Variants in ZNF578 observed in about 807,000 individuals in gnomAD.
ZNF578 encodes the protein zinc finger protein 578.
Under a neutral mutation model 8.3 loss-of-function variants are expected in ZNF578, and 8 were observed. The observed-to-expected ratio is 0.96, with a 90% CI of 0.56 to 1.74. The LOEUF (loss-of-function observed/expected upper bound fraction) is 1.74. Among genes scored for constraint, ZNF578 ranks in the 40% most tolerant of loss-of-function variants. The probability of loss-of-function intolerance (pLI) is 0.00; values close to 1 mark genes in which losing one functional copy is unlikely to be tolerated. For synonymous variants in ZNF578, 206 were observed against 232.2 expected, an observed-to-expected ratio of 0.89 and a Z score of 1.03; for missense variants, 726 against 707.5, an observed-to-expected ratio of 1.03 and a Z score of -0.30.
chr19:52,475,187 G>T (rs1306701223), intron 2 of ZNF578: 1 of 228,096 alleles, frequency 4.4e-6, no homozygotes, highest in East Asian at 1.1e-4. Flanking sequence ...ACCAAGGCTT[G>T]AAGACACTCT....
chr19:52,500,722 AG>A (rs1187143355), intron 3 of ZNF578, among the ~76,000 whole-genome samples: 2 of 151,904 alleles, frequency 1.3e-5, no homozygotes, highest in Non-Finnish European at 2.9e-5. Context: ...GGAGGTACTC[AG>A]ATAGGCATGT....
At chr19:52,492,761 A>C (rs544350902) in intron 3 of ZNF578, 1 of 152,150 alleles carries the variant, frequency 6.6e-6, no homozygotes, top group Non-Finnish European at 1.5e-5. Flanking sequence ...TACCCCGCCC[A>C]GGACCCGCCA....
intron 2 of ZNF578, among the ~76,000 whole-genome samples, chr19:52,490,627 A>C (rs1051591838): frequency 2.0e-5 from 3 of 152,098 alleles, no homozygotes; most frequent in African/African-American, 7.2e-5. Flanking sequence ...ATTCAGAAAA[A>C]AATTGTATTA....
intron 2 of ZNF578, among the ~76,000 whole-genome samples, chr19:52,459,353 G>T (rs1358967196): frequency 2.0e-5 from 3 of 151,998 alleles, no homozygotes; most frequent in African/African-American, 7.2e-5. Flanking sequence ...CATAGTATTT[G>T]TCCTTTTGTG....
chr19:52,514,919 C>A lies in ZNF578; in HGVS notation c.*2765C>A, dbSNP rs554795097. On this transcript the variant is annotated 3_prime_UTR_variant, in exon 6 of 6. Coordinates refer to ENST00000421239, the MANE Select transcript of ZNF578 (RefSeq NM_001099694.2). Reference sequence around the variant, plus strand: ...CTCGCGATCCACCCGACTCAGCCTCCCACTGTGATGGGATTACAGGCATGA... The same window carrying A: ...CTCGCGATCCACCCGACTCAGCCTCACACTGTGATGGGATTACAGGCATGA... 3.3e-5 allele frequency among the ~76,000 whole-genome samples: 5 copies of A among 151,526 alleles called. No homozygotes were observed. The South Asian group carries it at 1.0e-3, about 32-fold the overall frequency.
chr19:52,496,325 GTTAT>G (rs143811534), intron 3 of ZNF578, among the ~76,000 whole-genome samples: 9 of 146,096 alleles, frequency 6.2e-5, no homozygotes, highest in South Asian at 4.4e-4. Context: ...CTCATTTGTT[GTTAT>G]TTATTTATTT....
intron 2 of ZNF578, among the ~76,000 whole-genome samples, chr19:52,465,237 C>G (rs1183352668): frequency 6.6e-6 from 1 of 152,092 alleles, no homozygotes; most frequent in African/African-American, 2.4e-5. Flanking sequence ...ATAATTGGCA[C>G]GGAGAGCCGA....
At chr19:52,470,368 G>A (rs2059288258) in intron 2 of ZNF578, among the ~76,000 whole-genome samples, 1 of 152,152 alleles carries the variant, frequency 6.6e-6, no homozygotes, top group Non-Finnish European at 1.5e-5. Flanking sequence ...AACTGCTGAG[G>A]CATAATTATG....
chr19:52,470,825 A>C (rs2059289627), intron 2 of ZNF578, among the ~76,000 whole-genome samples: 1 of 152,220 alleles, frequency 6.6e-6, no homozygotes, highest in Non-Finnish European at 1.5e-5. Flanking sequence ...CCATAGACTG[A>C]AAGCCTAATA....
chr19:52,472,066 T>C lies in ZNF578; in HGVS notation c.-122+15108T>C, dbSNP rs570389676. ...GAAAGTGCATGCCATGGGTCTTATT[T>C]GGCATACACACAAAAAGGCACATAG... On this transcript the variant is annotated intron_variant, in intron 2 of 5. Coordinates refer to ENST00000421239, the MANE Select transcript of ZNF578 (RefSeq NM_001099694.2). Among the ~76,000 whole-genome samples the C allele has an allele frequency of 4.6e-5, 7 of 152,302 alleles. No individual in the cohort carries two copies. In the East Asian group the frequency reaches 1.4e-3, roughly 29 times the overall value.
chr19:52,512,160 A>G lies in ZNF578; in HGVS notation c.*6A>G, dbSNP rs367619658. ...AGCCTTGCATGTCATCATAGACTTC[A>G]TACTGGAGAGAAACCTTACAAATGT... is the stretch of plus-strand genomic sequence containing the variant. On this transcript the variant is annotated 3_prime_UTR_variant, in exon 6 of 6. Transcript: ENST00000421239. The G allele has an allele frequency of 3.7e-6, 6 of 1,613,730 alleles. No homozygotes were observed. The African/African-American group carries it at 8.0e-5, about 22-fold the overall frequency.
chr19:52,493,818 C>A (rs1418070187), intron 3 of ZNF578, among the ~76,000 whole-genome samples: 1 of 151,312 alleles, frequency 6.6e-6, no homozygotes, highest in Non-Finnish European at 1.5e-5. Context: ...TGGAGAAACC[C>A]CGTCCCTACT....
intron 2 of ZNF578, among the ~76,000 whole-genome samples, chr19:52,463,438 A>G (rs2059264864): frequency 6.6e-6 from 1 of 152,180 alleles, no homozygotes; most frequent in Non-Finnish European, 1.5e-5. Context: ...TGATGTGGTA[A>G]TTGCCTGGCA....
At chr19:52,465,813 G>A (rs375739914) in intron 2 of ZNF578, among the ~76,000 whole-genome samples, 15 of 152,230 alleles carry the variant, frequency 9.9e-5, no homozygotes, top group African/African-American at 3.4e-4. Flanking sequence ...CTTACCTGCA[G>A]AGCTTAAAAA....
chr19:52,508,099 C>T lies in ZNF578; in HGVS notation c.191-2473C>T, dbSNP rs571056324. 2.6e-5 allele frequency among the ~76,000 whole-genome samples: 4 copies of T among 152,122 alleles called. No homozygotes were observed. The South Asian group carries it at 6.2e-4, about 24-fold the overall frequency. ...CGGTGGCTCATGCCTGTAATCCCAG[C>T]ACTTTGGGAGGCCGCGCAGTGCAGA... On this transcript the variant is annotated intron_variant, in intron 5 of 5. Transcript: ENST00000421239.
chr19:52,499,689 G>GTTTTT (rs66824085), intron 3 of ZNF578, among the ~76,000 whole-genome samples: 3 of 141,598 alleles, frequency 2.1e-5, no homozygotes, highest in African/African-American at 5.3e-5. Context: ...CTTCCAAATC[G>GTTTTT]TTTTTTTTTT....
chr19:52,515,944 C>T lies in ZNF578; in HGVS notation c.*3790C>T, dbSNP rs903728046. Among the ~76,000 whole-genome samples the T allele has an allele frequency of 5.3e-5, 8 of 152,232 alleles. No homozygotes were observed. In the South Asian group the frequency reaches 6.2e-4, roughly 12 times the overall value. On this transcript the variant is annotated 3_prime_UTR_variant, in exon 6 of 6. Coordinates refer to ENST00000421239, the MANE Select transcript of ZNF578 (RefSeq NM_001099694.2). ...GGCAGGGAACCCTCCACCGGCTTCC[C>T]GTGTTCCCCAGGACAAAAGCCCAAC...
chr19:52,512,286 C>T lies in ZNF578; in HGVS notation c.*132C>T. The T allele has an allele frequency of 6.4e-7, 1 of 1,571,862 alleles. No homozygotes were observed. Among genetic ancestry groups the T allele is most frequent in the Non-Finnish European group, 8.8e-7 (1 of 1,142,192 alleles). Reference sequence around the variant, plus strand: ...TACAAGTGTAATGAGTGTGGCAAAGCCTTTAGTGACCAGTCAACACTTACC... The same window carrying T: ...TACAAGTGTAATGAGTGTGGCAAAGTCTTTAGTGACCAGTCAACACTTACC... On this transcript the variant is annotated 3_prime_UTR_variant, in exon 6 of 6. Coordinates refer to ENST00000421239, the MANE Select transcript of ZNF578 (RefSeq NM_001099694.2).
intron 5 of ZNF578, among the ~76,000 whole-genome samples, chr19:52,509,219 T>A (rs935926952): frequency 2.0e-5 from 3 of 152,044 alleles, no homozygotes; most frequent in Non-Finnish European, 4.4e-5. Flanking sequence ...CAGTTCTTAT[T>A]CCTTATAATG....
Sources: gnomAD v4.1 joint callset for allele counts (sites outside exome capture counted in the v4.1 genomes callset) on GRCh38, gnomAD v4.1.1 for gene constraint, MANE v1.5 for transcripts, NCBI Gene and HGNC (gene_info 2026-07-23, HGNC 2026-07-21) for gene names.